Variants in RHOH observed in about 807,000 individuals in gnomAD.
The protein encoded by RHOH is rho-related GTP-binding protein RhoH.
Under a neutral mutation model 13.8 loss-of-function variants are expected in RHOH, and 6 were observed. That is an observed-to-expected ratio of 0.44 (90% CI 0.24 to 0.86). The LOEUF is 0.86. Among genes scored for constraint, RHOH ranks in the 40% least tolerant of loss-of-function variants. The pLI, the probability that RHOH is intolerant of heterozygous loss-of-function variation, is 0.24. For missense variants in RHOH, 147 were observed against 244.5 expected, an observed-to-expected ratio of 0.60 and a Z score of 2.66; for synonymous variants, 117 against 103.0, an observed-to-expected ratio of 1.14 and a Z score of -0.82.
intron 1 of RHOH, among the ~76,000 whole-genome samples, chr4:40,235,528 T>C (rs1307266752): frequency 7.4e-6 from 1 of 134,952 alleles, no homozygotes; most frequent in Non-Finnish European, 1.5e-5. Flanking sequence ...AGGTGGAGAT[T>C]GCAGTGAGCT....
intron 1 of RHOH, among the ~76,000 whole-genome samples, chr4:40,212,008 T>G (rs4974974): frequency 0.57 from 86,515 of 151,920 alleles, 24,805 homozygotes; most frequent in Admixed American, 0.62. Context: ...TAAAAATACA[T>G]CTTCCCAGGA....
At chr4:40,225,965 C>T (rs1039908139) in intron 1 of RHOH, among the ~76,000 whole-genome samples, 1 of 152,098 alleles carries the variant, frequency 6.6e-6, no homozygotes, top group Non-Finnish European at 1.5e-5. Flanking sequence ...AAAAATGAGA[C>T]AAAAATGATA....
chr4:40,195,351 T>TCC (rs1723007982), upstream of RHOH, among the ~76,000 whole-genome samples: 2 of 148,472 alleles, frequency 1.3e-5, no homozygotes, highest in African/African-American at 5.1e-5. Flanking sequence ...TTCCTTTCTT[T>TCC]CTTTTCCTTC....
intron 1 of RHOH, among the ~76,000 whole-genome samples, chr4:40,207,499 G>A (rs2109386132): frequency 6.6e-6 from 1 of 152,272 alleles, no homozygotes; most frequent in East Asian, 1.9e-4. Flanking sequence ...TGCAGCAGGA[G>A]GGTTCTACGT....
At chr4:40,192,583 A>T (rs570020812), upstream of RHOH, among the ~76,000 whole-genome samples, 1 of 148,982 alleles carries the variant, frequency 6.7e-6, no homozygotes, top group Admixed American at 6.8e-5. Flanking sequence ...TTGTCATATT[A>T]TTTAAAAAAC....
chr4:40,208,558 T>A (rs1441910366), intron 1 of RHOH, among the ~76,000 whole-genome samples: 8 of 152,210 alleles, frequency 5.3e-5, no homozygotes, highest in Admixed American at 4.6e-4. Flanking sequence ...TCTCTCCACT[T>A]AATATGCTCT....
intron 1 of RHOH, among the ~76,000 whole-genome samples, chr4:40,220,555 C>A (rs185261461): frequency 3.9e-5 from 6 of 152,024 alleles, no homozygotes; most frequent in Non-Finnish European, 7.4e-5. Flanking sequence ...CAAATGAAAT[C>A]ATTTCTTCTA....
intron 1 of RHOH, among the ~76,000 whole-genome samples, chr4:40,199,176 G>A (rs189539294): frequency 9.2e-5 from 14 of 152,120 alleles, no homozygotes; most frequent in African/African-American, 3.4e-4. Flanking sequence ...GAGGGTTGTC[G>A]TAGAGATCAA....
chr4:40,233,264 C>T (rs1728161382), intron 1 of RHOH, among the ~76,000 whole-genome samples: 1 of 152,096 alleles, frequency 6.6e-6, no homozygotes, highest in Non-Finnish European at 1.5e-5. Flanking sequence ...TCAACCAACT[C>T]ACACCAGGTA....
rs184258305 is a variant in RHOH, at chr4:40,228,026, A to T, written c.-330-14688A>T. 5.1e-3 allele frequency among the ~76,000 whole-genome samples: 772 copies of T among 152,270 alleles called. 16 individuals carry two copies. Among genetic ancestry groups the T allele is most frequent in the South Asian group, 0.04 (195 of 4,824 alleles). ...AGAAATAATCATATATTTATATTAA[A>T]AATATTCACTCAATGTTGCTATAGT... On this transcript the variant is annotated intron_variant, in intron 1 of 2. Coordinates refer to ENST00000381799, the MANE Select transcript of RHOH (RefSeq NM_004310.5).
intron 1 of RHOH, among the ~76,000 whole-genome samples, chr4:40,213,376 C>A (rs1200524664): frequency 6.8e-6 from 1 of 147,154 alleles, no homozygotes; most frequent in Non-Finnish European, 1.5e-5. Flanking sequence ...TTTTTTTTCT[C>A]TCTCTCTCTC....
intron 1 of RHOH, among the ~76,000 whole-genome samples, chr4:40,212,477 A>G (rs1264846304): frequency 6.6e-6 from 1 of 152,206 alleles, no homozygotes; most frequent in Admixed American, 6.5e-5. Context: ...TTAGCTGGGA[A>G]TGGGCGAGAG....
chr4:40,230,310 A>T (rs111546125), intron 1 of RHOH, among the ~76,000 whole-genome samples: 11,456 of 151,918 alleles, frequency 0.075, 673 homozygotes, highest in African/African-American at 0.16. Context: ...GAGTGTGTGA[A>T]TACAGGTGTG....
intron 1 of RHOH, among the ~76,000 whole-genome samples, chr4:40,215,776 C>T (rs1222999873): frequency 6.6e-6 from 1 of 151,992 alleles, no homozygotes; most frequent in East Asian, 1.9e-4. Flanking sequence ...AAAAATTAGC[C>T]TGGTGTGGTG....
Position 40,218,751 on chromosome 4 carries a change from T to C in RHOH, c.-331+21451T>C, listed in dbSNP as rs1177160017. Reference sequence around the variant, plus strand: ...GGCCCTGAGAGCCCATCTAGTTCAATGCCTCATTTTGCGGATGAAAAAACA... The same window carrying C: ...GGCCCTGAGAGCCCATCTAGTTCAACGCCTCATTTTGCGGATGAAAAAACA... On this transcript the variant is annotated intron_variant, in intron 1 of 2. Transcript: ENST00000381799. The surrounding 1 kb of genome is among the most constrained non-coding windows in gnomAD (Gnocchi z 4.1). Among the ~76,000 whole-genome samples, 1 of 152,190 alleles carries C rather than the reference T, an allele frequency of 6.6e-6. No homozygotes were observed. The highest frequency in any genetic ancestry group is 1.5e-5 in the Non-Finnish European group (1 of 68,032).
chr4:40,218,883 A>C lies in RHOH; in HGVS notation c.-331+21583A>C, dbSNP rs1412816911. ...GCTCTGATCACCACAAGCTGCCTCT[A>C]TATACAGTATAGTGAGAAAGTCTCA... is the stretch of plus-strand genomic sequence containing the variant. On this transcript the variant is annotated intron_variant, in intron 1 of 2. Coordinates refer to ENST00000381799, the MANE Select transcript of RHOH (RefSeq NM_004310.5). This position sits in a 1 kb window ranked among gnomAD's most constrained non-coding sequence, Gnocchi z 4.1. Among the ~76,000 whole-genome samples the C allele has an allele frequency of 6.6e-6, 1 of 152,206 alleles. No homozygotes were observed. Among genetic ancestry groups the C allele is most frequent in the Non-Finnish European group, 1.5e-5 (1 of 68,036 alleles).
chr4:40,241,765 A>G (rs1234384923), intron 1 of RHOH, among the ~76,000 whole-genome samples: 1 of 151,846 alleles, frequency 6.6e-6, no homozygotes, highest in Non-Finnish European at 1.5e-5. Flanking sequence ...TGGCACACAC[A>G]TGTAGTCCCA....
intron 1 of RHOH, among the ~76,000 whole-genome samples, chr4:40,207,181 A>G (rs1188488023): frequency 6.6e-6 from 1 of 151,702 alleles, no homozygotes; most frequent in Non-Finnish European, 1.5e-5. Context: ...ACTCCGGCCC[A>G]GACAACAGAC....
At chr4:40,192,102 C>A (rs1332276212), upstream of RHOH, among the ~76,000 whole-genome samples, 1 of 152,116 alleles carries the variant, frequency 6.6e-6, no homozygotes, top group African/African-American at 2.4e-5. Context: ...ATTCTCTTAA[C>A]ATTTTATAGT....
Sources: allele counts gnomAD v4.1 joint callset (sites outside exome capture counted in the v4.1 genomes callset), GRCh38; gene constraint gnomAD v4.1.1; non-coding constraint Gnocchi (gnomAD v3.1); transcripts MANE v1.5; gene names NCBI Gene and HGNC (gene_info 2026-07-23, HGNC 2026-07-21).